Variants in EIF4ENIF1 observed in about 807,000 individuals in gnomAD.
EIF4ENIF1 encodes eukaryotic translation initiation factor 4E transporter.
Under a neutral mutation model 110.5 loss-of-function variants are expected in EIF4ENIF1, and 23 were observed. The ratio of observed to expected loss-of-function variants is 0.21; its 90% confidence interval spans 0.15 to 0.29. EIF4ENIF1 has a LOEUF of 0.29. Ranked by LOEUF, EIF4ENIF1 falls within the 10% of genes least tolerant of loss-of-function variation. The pLI is 1.00. For synonymous variants in EIF4ENIF1, 440 were observed against 437.0 expected (o/e 1.01, Z -0.09); for missense variants, 1,031 against 1,221.1 (o/e 0.84, Z 2.32).
At chr22:31,492,981 C>T (rs550771467), upstream of EIF4ENIF1, among the ~76,000 whole-genome samples, 9 of 151,996 alleles carry the variant, frequency 5.9e-5, no homozygotes, top group South Asian at 1.2e-3. Context: ...CCGCCCACCT[C>T]GGCCTCCCAA....
chr22:31,492,562 G>C (rs905062014), upstream of EIF4ENIF1, among the ~76,000 whole-genome samples: 1 of 152,074 alleles, frequency 6.6e-6, no homozygotes, highest in Non-Finnish European at 1.5e-5. Context: ...GTCTCACTCT[G>C]TCCTTATAGA....
intron 6 of EIF4ENIF1, among the ~76,000 whole-genome samples, chr22:31,459,854 C>A (rs573573029): frequency 1.3e-5 from 2 of 152,278 alleles, no homozygotes; most frequent in African/African-American, 4.8e-5. Flanking sequence ...CCAGGCTCTG[C>A]CATGAAATCC....
chr22:31,481,110 C>T (rs1488631154), intron 2 of EIF4ENIF1, among the ~76,000 whole-genome samples: 3 of 152,164 alleles, frequency 2.0e-5, no homozygotes, highest in African/African-American at 7.2e-5. Context: ...CCAGCCTGCT[C>T]TAACAACTTC....
intron 7 of EIF4ENIF1, among the ~76,000 whole-genome samples, chr22:31,456,210 T>G (rs1176140450): frequency 2.7e-5 from 4 of 150,480 alleles, no homozygotes; most frequent in Non-Finnish European, 5.9e-5. Flanking sequence ...CTTTCCTTTT[T>G]TATTTTTTAT....
At chr22:31,437,445 C>T (rs543291702), downstream of EIF4ENIF1, 176 of 112,172 alleles carry the variant, frequency 1.6e-3, no homozygotes, top group African/African-American at 5.5e-3. Context: ...TGTCTTTTGC[C>T]TTCATCCCCC....
chr22:31,472,726 A>G (rs997753580), intron 2 of EIF4ENIF1, among the ~76,000 whole-genome samples: 1 of 152,180 alleles, frequency 6.6e-6, no homozygotes, highest in Admixed American at 6.5e-5. Flanking sequence ...TATGGGGTAT[A>G]TGTGATATTT....
chr22:31,463,121 C>G lies in EIF4ENIF1; in HGVS notation c.598G>C (p.Asp200His). ...KDKRFRREFG[D>H]SKRVFGERRR... is the part of the protein sequence containing the mutation. Reference sequence around the variant, plus strand: ...CGCTCACCAAAGACACGCTTACTATCTCCAAACTCTCTCTGGAAAAGTACA... The same window carrying G: ...CGCTCACCAAAGACACGCTTACTATGTCCAAACTCTCTCTGGAAAAGTACA... The change falls in exon 6 of 19, where the codon GAT becomes CAT. Residue 200 changes from aspartate to histidine, a missense_variant. Asp to His is a moderately conservative substitution (Grantham distance 81). This residue lies in a region of EIF4ENIF1 where 704 missense variants were observed against 879.7 expected (regional missense o/e 0.80). Coordinates refer to ENST00000330125, the MANE Select transcript of EIF4ENIF1 (RefSeq NM_019843.4). 6.2e-7 allele frequency: 1 copy of G among 1,613,346 alleles called. No individual in the cohort carries two copies. Among genetic ancestry groups the G allele is most frequent in the Non-Finnish European group, 8.5e-7 (1 of 1,179,862 alleles).
chr22:31,457,309 T>G (rs2050860603), intron 7 of EIF4ENIF1, among the ~76,000 whole-genome samples: 1 of 152,206 alleles, frequency 6.6e-6, no homozygotes, highest in Non-Finnish European at 1.5e-5. Context: ...TATGAAATAG[T>G]GCCAATCTTT....
intron 2 of EIF4ENIF1, among the ~76,000 whole-genome samples, chr22:31,474,915 G>A (rs1035348669): frequency 2.0e-5 from 3 of 152,182 alleles, no homozygotes; most frequent in Non-Finnish European, 4.4e-5. Context: ...CTTGTAGTAG[G>A]AGAATGTGCA....
chr22:31,445,933 G>A (rs552545879), intron 14 of EIF4ENIF1, among the ~76,000 whole-genome samples: 2 of 142,344 alleles, frequency 1.4e-5, no homozygotes, highest in East Asian at 4.6e-4. Flanking sequence ...TTCTGTATCT[G>A]TAAAATGCAG....
At chr22:31,444,828 C>T (rs2050411776) in intron 14 of EIF4ENIF1, 138 bp from the exon 15 acceptor site, 1 of 753,734 alleles carries the variant, frequency 1.3e-6, no homozygotes, top group African/African-American at 1.7e-5. Context: ...GCATTTAGGC[C>T]TAACATACAC....
intron 3 of EIF4ENIF1, among the ~76,000 whole-genome samples, chr22:31,470,897 A>G (rs2051353118): frequency 6.6e-6 from 1 of 151,558 alleles, no homozygotes; most frequent in Non-Finnish European, 1.5e-5. Context: ...CTGTAATCCC[A>G]GCTACTCGGG....
chr22:31,485,054 A>C (rs2051968471), intron 2 of EIF4ENIF1, among the ~76,000 whole-genome samples: 1 of 152,196 alleles, frequency 6.6e-6, no homozygotes, highest in Non-Finnish European at 1.5e-5. Flanking sequence ...TTAAAGGGAG[A>C]AGACTTCTTT....
intron 9 of EIF4ENIF1, 28 bp downstream of exon 9, chr22:31,455,108 T>C: frequency 6.3e-7 from 1 of 1,580,272 alleles, no homozygotes; most frequent in South Asian, 1.2e-5. Context: ...TTTTCAGATA[T>C]CTAAAACAGA....
At chr22:31,488,334 T>A (rs1467992288) in intron 2 of EIF4ENIF1, among the ~76,000 whole-genome samples, 1 of 152,130 alleles carries the variant, frequency 6.6e-6, no homozygotes, top group African/African-American at 2.4e-5. Context: ...AACGTACCAA[T>A]TACATAGCTG....
chr22:31,446,362 T>C (rs1569067421), intron 14 of EIF4ENIF1, among the ~76,000 whole-genome samples: 1 of 151,594 alleles, frequency 6.6e-6, no homozygotes, highest in Non-Finnish European at 1.5e-5. Flanking sequence ...CATTATGCTA[T>C]AGACAGAAAG....
At chr22:31,479,907 C>T (rs1456670756) in intron 2 of EIF4ENIF1, among the ~76,000 whole-genome samples, 1 of 151,850 alleles carries the variant, frequency 6.6e-6, no homozygotes, top group Non-Finnish European at 1.5e-5. Context: ...GAGATGAGGT[C>T]TTGCTGTGTT....
At chr22:31,482,165 C>CA (rs34248099) in intron 2 of EIF4ENIF1, among the ~76,000 whole-genome samples, 32,285 of 115,022 alleles carry the variant, frequency 0.28, 4,290 homozygotes, top group East Asian at 0.45. Context: ...GAGCCTGTCT[C>CA]AAAAAAAAAA....
rs1267310173 is a variant in EIF4ENIF1, at chr22:31,455,913, T to C, written c.1038A>G (p.Arg346=). 1 of 1,614,182 alleles carries C rather than the reference T, an allele frequency of 6.2e-7. No homozygotes were observed. Among genetic ancestry groups the C allele is most frequent in the Admixed American group, 1.7e-5 (1 of 60,012 alleles). ...RFSRWFSNPS[R]SGSRSSSLGS... ...CAAGACTGCTGGATCGGCTTCCTGA[T>C]CTGCTCGGGTTAGAGAACCACCTAC... Residue 346 remains arginine, a synonymous_variant, in exon 8 of 19, where the codon AGA becomes AGG. Coordinates refer to ENST00000330125, the MANE Select transcript of EIF4ENIF1 (RefSeq NM_019843.4).
Sources: allele counts gnomAD v4.1 joint callset (sites outside exome capture counted in the v4.1 genomes callset), GRCh38; gene constraint gnomAD v4.1.1; regional missense constraint gnomAD v4.1.1; transcripts MANE v1.5; gene names NCBI Gene and HGNC (gene_info 2026-07-23, HGNC 2026-07-21).